The following CACNA1E variants were observed in gnomAD, a reference collection of about 807,000 sequenced individuals.
CACNA1E encodes the protein calcium voltage-gated channel subunit alpha1 E.
CACNA1E carries 40 observed loss-of-function variants against 259.2 expected under a neutral mutation model. That is an observed-to-expected ratio of 0.15 (90% CI 0.12 to 0.20). CACNA1E has a LOEUF of 0.20. Ranked by LOEUF, CACNA1E falls within the 10% of genes least tolerant of loss-of-function variation. The pLI is 1.00. For synonymous variants in CACNA1E, 1,104 were observed against 1,138.5 expected (o/e 0.97, Z 0.61); for missense variants, 1,874 against 3,040.1 (o/e 0.62, Z 9.02).
chr1:181,607,924 A>G (rs745700271), intron 6 of CACNA1E, among the ~76,000 whole-genome samples: 3 of 152,268 alleles, frequency 2.0e-5, no homozygotes, highest in Admixed American at 6.5e-5. Context: ...TGTGGACAGG[A>G]ATATGGGACT....
chr1:181,719,912 C>G, intron 13 of CACNA1E, 49 bp downstream of exon 13: 2 of 1,066,282 alleles, frequency 1.9e-6, no homozygotes, highest in Non-Finnish European at 2.8e-6. Flanking sequence ...AGAGTAGAAC[C>G]TTTTTTCTGC....
At chr1:181,551,820 T>C (rs12028666) in intron 3 of CACNA1E, among the ~76,000 whole-genome samples, 2,204 of 152,244 alleles carry the variant, frequency 0.014, 72 homozygotes, top group East Asian at 0.14. Context: ...CATTGTTGAA[T>C]AGGTTTTACA....
At chr1:181,755,192 A>G in intron 27 of CACNA1E, 45 bp from the exon 28 acceptor site, 1 of 1,564,594 alleles carries the variant, frequency 6.4e-7, no homozygotes, top group Non-Finnish European at 8.7e-7. Flanking sequence ...AAGTATGCAG[A>G]CCATCACAGG....
chr1:181,684,694 A>G (rs750364448), intron 7 of CACNA1E, among the ~76,000 whole-genome samples: 1 of 152,088 alleles, frequency 6.6e-6, no homozygotes, highest in Non-Finnish European at 1.5e-5. Context: ...TCTTTTGCAT[A>G]TGGCTAACCA....
chr1:181,551,253 G>A (rs1479758596), intron 3 of CACNA1E, among the ~76,000 whole-genome samples: 1 of 152,140 alleles, frequency 6.6e-6, no homozygotes, highest in African/African-American at 2.4e-5. Context: ...ATCCCCTTAG[G>A]GCCCACTACT....
chr1:181,414,202 G>A (rs1331844637), intron 2 of CACNA1E, among the ~76,000 whole-genome samples: 1 of 152,200 alleles, frequency 6.6e-6, no homozygotes, highest in East Asian at 1.9e-4. Context: ...TCTCTCGGTT[G>A]CCCCAGGTTT....
At chr1:181,379,600 T>C (rs556530993) in intron 1 of CACNA1E, among the ~76,000 whole-genome samples, 1 of 152,324 alleles carries the variant, frequency 6.6e-6, no homozygotes, top group Admixed American at 6.5e-5. Flanking sequence ...TTCTGGCTTA[T>C]AGACAGTGCC....
intron 1 of CACNA1E, among the ~76,000 whole-genome samples, chr1:181,401,067 A>T (rs556071576): frequency 1.3e-5 from 2 of 152,302 alleles, no homozygotes; most frequent in Non-Finnish European, 2.9e-5. Context: ...TGTTCTAGCC[A>T]CACTGGCCTC....
At chr1:181,534,007 T>C (rs1416198629) in intron 3 of CACNA1E, among the ~76,000 whole-genome samples, 1 of 152,092 alleles carries the variant, frequency 6.6e-6, no homozygotes, top group African/African-American at 2.4e-5. Flanking sequence ...ACAAGTGTTA[T>C]TGTATTTGTT....
chr1:181,545,483 C>T (rs1238916276), intron 3 of CACNA1E, among the ~76,000 whole-genome samples: 1 of 152,104 alleles, frequency 6.6e-6, no homozygotes, highest in Non-Finnish European at 1.5e-5. Flanking sequence ...GGGGGGATGG[C>T]AGTGCTCCCA....
chr1:181,550,558 G>T (rs1648017726), intron 3 of CACNA1E, among the ~76,000 whole-genome samples: 1 of 152,144 alleles, frequency 6.6e-6, no homozygotes, highest in South Asian at 2.1e-4. Context: ...CTGGCAGGAG[G>T]GGTGGGGGCA....
intron 39 of CACNA1E, 44 bp from the exon 40 acceptor site, chr1:181,783,635 T>TC: frequency 4.4e-6 from 4 of 916,024 alleles, no homozygotes; most frequent in Non-Finnish European, 6.5e-6. Flanking sequence ...GTCTTTCAAT[T>TC]TTTTTTTTTT....
chr1:181,790,222 G>T (rs1261651008), intron 43 of CACNA1E, among the ~76,000 whole-genome samples: 1 of 151,612 alleles, frequency 6.6e-6, no homozygotes, highest in East Asian at 1.9e-4. Context: ...GCTAGCCCCC[G>T]GCAGAATAAT....
chr1:181,415,314 A>T (rs1658182007), intron 2 of CACNA1E, among the ~76,000 whole-genome samples: 1 of 152,196 alleles, frequency 6.6e-6, no homozygotes, highest in Non-Finnish European at 1.5e-5. Context: ...TACTGATTGG[A>T]GGATGTCAAG....
chr1:181,577,010 A>G (rs540083098), intron 3 of CACNA1E, among the ~76,000 whole-genome samples: 6 of 152,310 alleles, frequency 3.9e-5, no homozygotes, highest in South Asian at 2.1e-4. Context: ...ATCTTCTGCT[A>G]TGTCTTTCAT....
In CACNA1E at chr1:181,756,946, T is replaced by A. The variant is rs530293956; in HGVS notation, c.4149T>A (p.Asp1383Glu). ...ATAGAGTTCTGCAGCACTCTGTAGA[T>A]GTGACAGAGGAAGACCGAGGCCCAA... ...GWPQVLQHSV[D>E]VTEEDRGPSR... Residue 1383 changes from aspartate (D) to glutamate (E), a missense_variant, in exon 30 of 48, where the codon GAT becomes GAA. Asp to Glu is a conservative substitution (Grantham distance 45). Around this residue, in one of 14 missense-constraint regions of CACNA1E, gnomAD observed 188 missense variants for 540.6 expected, o/e 0.35. Coordinates refer to ENST00000367573, the MANE Select transcript of CACNA1E (RefSeq NM_001205293.3). 1 of 1,612,154 alleles carries A rather than the reference T, an allele frequency of 6.2e-7. No homozygotes were observed. The highest frequency in any genetic ancestry group is 1.3e-5 in the African/African-American group (1 of 75,032).
chr1:181,644,879 A>G (rs1002289702), intron 6 of CACNA1E, among the ~76,000 whole-genome samples: 8 of 152,164 alleles, frequency 5.3e-5, no homozygotes, highest in Non-Finnish European at 1.2e-4. Context: ...TATCTGTTAC[A>G]GCCCCCCATC....
chr1:181,595,231 G>A (rs1218998655), intron 6 of CACNA1E, among the ~76,000 whole-genome samples: 1 of 152,088 alleles, frequency 6.6e-6, no homozygotes, highest in African/African-American at 2.4e-5. Context: ...TCCTTCCCCA[G>A]GGGTCTCTAT....
At chr1:181,766,715 C>A in intron 35 of CACNA1E, 104 bp downstream of exon 35, 1 of 859,962 alleles carries the variant, frequency 1.2e-6, no homozygotes, top group Non-Finnish European at 1.9e-6. Flanking sequence ...TGAACCCCTT[C>A]TTGCCTAAGG....
Sources: allele counts gnomAD v4.1 joint callset (sites outside exome capture counted in the v4.1 genomes callset), GRCh38; gene constraint gnomAD v4.1.1; regional missense constraint gnomAD v4.1.1; transcripts MANE v1.5; gene names NCBI Gene and HGNC (gene_info 2026-07-23, HGNC 2026-07-21).